Variants in NCAM1 observed in about 807,000 individuals in gnomAD.
NCAM1 encodes the protein neural cell adhesion molecule 1.
Under a neutral mutation model 109.8 loss-of-function variants are expected in NCAM1, and 14 were observed. That is an observed-to-expected ratio of 0.13 (90% CI 0.08 to 0.20). The LOEUF is 0.20. Among genes scored for constraint, NCAM1 ranks in the 10% least tolerant of loss-of-function variants. The probability of loss-of-function intolerance (pLI) is 1.00; values close to 1 mark genes in which losing one functional copy is unlikely to be tolerated. For missense variants in NCAM1, 774 were observed against 1,109.9 expected, an observed-to-expected ratio of 0.70 and a Z score of 4.30; for synonymous variants, 418 against 442.9, an observed-to-expected ratio of 0.94 and a Z score of 0.70.
chr11:113,238,044 T>C (rs1945227029), intron 14 of NCAM1, among the ~76,000 whole-genome samples: 1 of 151,614 alleles, frequency 6.6e-6, no homozygotes, highest in Non-Finnish European at 1.5e-5. Context: ...AATTTTAATT[T>C]TAAATTAAAA....
intron 19 of NCAM1, 25 bp from the exon 20 acceptor site, chr11:113,275,242 G>T: frequency 6.2e-7 from 1 of 1,613,070 alleles, no homozygotes; most frequent in East Asian, 2.2e-5. Flanking sequence ...GGTCTCAGTG[G>T]TTCTGTTTTC....
rs942278683 is a variant in NCAM1 at position 113,246,813 on chromosome 11, G to A, written c.1828+443G>A. On this transcript the variant is annotated intron_variant, in intron 15 of 19. Transcript: ENST00000316851. ...ATGTTTACAACCTTGAAATGCTACAGAGTGAAATATATCAATTGCAAAGGT... is the reference window on the plus strand; with the variant it reads ...ATGTTTACAACCTTGAAATGCTACAAAGTGAAATATATCAATTGCAAAGGT... Among the ~76,000 whole-genome samples the A allele has an allele frequency of 3.9e-5, 6 of 152,364 alleles. No homozygotes were observed. In the East Asian group the frequency reaches 1.2e-3, roughly 29 times the overall value.
At chr11:112,988,479 T>C (rs536710385) in intron 1 of NCAM1, among the ~76,000 whole-genome samples, 55 of 152,328 alleles carry the variant, frequency 3.6e-4, no homozygotes, top group African/African-American at 1.3e-3. Flanking sequence ...CTAGTGGTGA[T>C]GAGCACTCTC....
At chr11:113,196,345 A>T (rs1276682090) in intron 1 of NCAM1, among the ~76,000 whole-genome samples, 1 of 152,208 alleles carries the variant, frequency 6.6e-6, no homozygotes, top group Non-Finnish European at 1.5e-5. Context: ...TATATCTGAG[A>T]TGTTCTGACC....
intron 1 of NCAM1, among the ~76,000 whole-genome samples, chr11:113,049,502 C>A (rs1222525989): frequency 2.0e-5 from 3 of 152,122 alleles, no homozygotes; most frequent in Non-Finnish European, 4.4e-5. Flanking sequence ...CCCAGGAATG[C>A]CTGCTTTCTA....
chr11:113,052,397 A>G (rs192864855), intron 1 of NCAM1, among the ~76,000 whole-genome samples: 158 of 152,234 alleles, frequency 1.0e-3, no homozygotes, highest in African/African-American at 3.6e-3. Flanking sequence ...TGTGACTTGA[A>G]TTTCTATTTT....
intron 1 of NCAM1, among the ~76,000 whole-genome samples, chr11:113,043,221 G>T (rs556144451): frequency 6.6e-6 from 1 of 152,218 alleles, no homozygotes; most frequent in South Asian, 2.1e-4. Flanking sequence ...TGCCATGAAG[G>T]ATTTCAAATA....
intron 1 of NCAM1, among the ~76,000 whole-genome samples, chr11:113,077,124 T>C (rs555312324): frequency 1.3e-5 from 2 of 152,348 alleles, no homozygotes; most frequent in Non-Finnish European, 2.9e-5. Context: ...ACACAGCCCC[T>C]TCTTTCTAGG....
In NCAM1 at chr11:113,274,594, G is replaced by A. The variant is rs554307269; in HGVS notation, c.2457-673G>A. On this transcript the variant is annotated intron_variant, in intron 19 of 19. Transcript: ENST00000316851. This position sits in a 1 kb window ranked among gnomAD's most constrained non-coding sequence, Gnocchi z 4.1. Reference sequence around the variant, plus strand: ...GCCAGGAGCCCTGAATCTCAGCATCGGGAGGGAAAAGGACTCTGATAGCCC... The same window carrying A: ...GCCAGGAGCCCTGAATCTCAGCATCAGGAGGGAAAAGGACTCTGATAGCCC... Among the ~76,000 whole-genome samples, 374 of 152,264 alleles carry A rather than the reference G, an allele frequency of 2.5e-3. No homozygotes were observed. The highest frequency in any genetic ancestry group is 8.5e-3 in the African/African-American group (355 of 41,556).
At chr11:113,120,168 C>T (rs531495141) in intron 1 of NCAM1, among the ~76,000 whole-genome samples, 4 of 152,264 alleles carry the variant, frequency 2.6e-5, no homozygotes, top group African/African-American at 4.8e-5. Flanking sequence ...ACAGAAACCA[C>T]GCCAAAGGGT....
intron 17 of NCAM1, among the ~76,000 whole-genome samples, chr11:113,268,016 G>A (rs1416588081): frequency 1.3e-5 from 2 of 152,186 alleles, no homozygotes; most frequent in African/African-American, 2.4e-5. Context: ...TCTTCAGGGA[G>A]TAGGCACTTT....
intron 1 of NCAM1, among the ~76,000 whole-genome samples, chr11:113,060,078 G>T (rs1426447330): frequency 6.6e-6 from 1 of 152,212 alleles, no homozygotes; most frequent in Non-Finnish European, 1.5e-5. Context: ...TGAAATAAAA[G>T]AGTTGAATGT....
intron 1 of NCAM1, among the ~76,000 whole-genome samples, chr11:113,174,997 A>T (rs1348337395): frequency 6.6e-6 from 1 of 152,324 alleles, no homozygotes. Flanking sequence ...TAGGAGCCAA[A>T]AGGCTTCCTC....
At chr11:113,053,056 GA>G (rs1953566611) in intron 1 of NCAM1, among the ~76,000 whole-genome samples, 1 of 152,178 alleles carries the variant, frequency 6.6e-6, no homozygotes, top group Non-Finnish European at 1.5e-5. Context: ...AAAAATTGCA[GA>G]GGCTCTAACA....
chr11:113,040,180 T>C (rs1953027669), intron 1 of NCAM1, among the ~76,000 whole-genome samples: 1 of 152,166 alleles, frequency 6.6e-6, no homozygotes, highest in Non-Finnish European at 1.5e-5. Context: ...ATAAAATTAA[T>C]TGATGCGATA....
Position 113,275,977 on chromosome 11 carries a change from ACT to A in NCAM1, c.*593_*594del, listed in dbSNP as rs1359510379. On this transcript the variant is annotated 3_prime_UTR_variant, in exon 20 of 20. Transcript: ENST00000316851. ...CTAGCTGAATTCAATTCCCACGTAGACTCTTATTTTATAGGACGAATGCCAAA... is the reference window on the plus strand; with the variant it reads ...CTAGCTGAATTCAATTCCCACGTAGACTTATTTTATAGGACGAATGCCAAA... 6.6e-6 allele frequency: 1 copy of A among 152,452 alleles called. No homozygotes were observed. The highest frequency in any genetic ancestry group is 2.4e-5 in the African/African-American group (1 of 41,372). The allele number at this position is 152,452 out of a possible 1,614,324, so 9.4% of individuals were successfully genotyped here.
chr11:113,006,417 C>T (rs1410947881), intron 1 of NCAM1, among the ~76,000 whole-genome samples: 1 of 152,156 alleles, frequency 6.6e-6, no homozygotes, highest in Non-Finnish European at 1.5e-5. Flanking sequence ...TAATCACTGT[C>T]TTGGACATTT....
chr11:112,973,695 TAGTG>T (rs1468731149), intron 1 of NCAM1, among the ~76,000 whole-genome samples: 1 of 152,112 alleles, frequency 6.6e-6, no homozygotes, highest in Non-Finnish European at 1.5e-5. Flanking sequence ...GTCTGGCACA[TAGTG>T]AGCTCAGCAA....
At chr11:113,190,884 G>A (rs1249148990) in intron 1 of NCAM1, among the ~76,000 whole-genome samples, 1 of 152,140 alleles carries the variant, frequency 6.6e-6, no homozygotes, top group Non-Finnish European at 1.5e-5. Context: ...ACACTCTACA[G>A]ATGACCCCTT....
Sources: allele counts gnomAD v4.1 joint callset (sites outside exome capture counted in the v4.1 genomes callset), GRCh38; gene constraint gnomAD v4.1.1; non-coding constraint Gnocchi (gnomAD v3.1); transcripts MANE v1.5; gene names NCBI Gene and HGNC (gene_info 2026-07-23, HGNC 2026-07-21).